SFMBT2: variants seen among roughly 807,000 people sequenced by gnomAD.
SFMBT2 encodes the protein scm-like with four MBT domains protein 2.
In SFMBT2, 38 loss-of-function variants were observed where a neutral mutation model predicts 110.1. The observed-to-expected ratio is 0.35, with a 90% confidence interval of 0.27 to 0.45. The LOEUF (loss-of-function observed/expected upper bound fraction) is 0.45. Among genes scored for constraint, SFMBT2 ranks in the 20% least tolerant of loss-of-function variants. The pLI, the probability that SFMBT2 is intolerant of heterozygous loss-of-function variation, is 1.00. For missense variants in SFMBT2, 1,011 were observed against 1,094.9 expected (o/e 0.92, Z 1.08); for synonymous variants, 425 against 425.4 (o/e 1.00, Z 0.01).
At chr10:7,191,145 T>C (rs564365561) in intron 15 of SFMBT2, among the ~76,000 whole-genome samples, 1 of 152,304 alleles carries the variant, frequency 6.6e-6, no homozygotes, top group South Asian at 2.1e-4. Context: ...TGATCACCAA[T>C]GTGAAAACGA....
At chr10:7,356,393 G>C (rs760237761) in intron 4 of SFMBT2, among the ~76,000 whole-genome samples, 1 of 151,994 alleles carries the variant, frequency 6.6e-6, no homozygotes, top group African/African-American at 2.4e-5. Flanking sequence ...TAGCTACTGC[G>C]TTTTGTTGTT....
At position 7,411,022 on chromosome 10, in the gene SFMBT2, C is replaced by G. The variant is rs1244530282; in HGVS notation, c.-213G>C. 6.7e-6 allele frequency among the ~76,000 whole-genome samples: 1 copy of G among 149,970 alleles called. No homozygotes were observed. The highest frequency in any genetic ancestry group is 2.5e-5 in the African/African-American group (1 of 40,592). On this transcript the variant is annotated 5_prime_UTR_variant, in exon 1 of 21. Transcript: ENST00000397167. Reference sequence around the variant, plus strand: ...TCCGGTCCTCCGGCTCCCACTACAGCTCATTCCAATATGGCATCCTCTCTG... The same window carrying G: ...TCCGGTCCTCCGGCTCCCACTACAGGTCATTCCAATATGGCATCCTCTCTG...
At chr10:7,178,211 C>T (rs1470883153) in intron 16 of SFMBT2, among the ~76,000 whole-genome samples, 5 of 152,164 alleles carry the variant, frequency 3.3e-5, no homozygotes, top group Non-Finnish European at 7.3e-5. Context: ...CTGACCATGG[C>T]TGCTGCCTGC....
At chr10:7,380,464 C>A (rs927494585) in intron 2 of SFMBT2, among the ~76,000 whole-genome samples, 1 of 152,156 alleles carries the variant, frequency 6.6e-6, no homozygotes, top group Non-Finnish European at 1.5e-5. Flanking sequence ...ATGGAGCAAC[C>A]TGTAATCTGT....
intron 16 of SFMBT2, among the ~76,000 whole-genome samples, chr10:7,187,366 A>C (rs913927506): frequency 6.6e-6 from 1 of 152,256 alleles, no homozygotes; most frequent in Admixed American, 6.5e-5. Context: ...TCTTTAAAGC[A>C]GAAAAATATG....
Position 7,167,708 on chromosome 10 carries a change from C to T in SFMBT2, c.2544+3220G>A, listed in dbSNP as rs117647660. Among the ~76,000 whole-genome samples the T allele has an allele frequency of 3.4e-4, 52 of 152,278 alleles. No individual in the cohort carries two copies. The East Asian group carries it at 9.5e-3, about 28-fold the overall frequency. On this transcript the variant is annotated intron_variant, in intron 20 of 20. Coordinates refer to ENST00000397167, the MANE Select transcript of SFMBT2 (RefSeq NM_001387889.1). The stretch of plus-strand genomic sequence containing the variant: ...TGGGACAGAAAAGGACTCAAGTGCC[C>T]ATGTACTTCAGACAGCCCAGTGGGC...
intron 4 of SFMBT2, among the ~76,000 whole-genome samples, chr10:7,308,385 A>C (rs2131895939): frequency 6.6e-6 from 1 of 152,218 alleles, no homozygotes; most frequent in Non-Finnish European, 1.5e-5. Context: ...AACAACAAAA[A>C]TTTAGCACCT....
At chr10:7,186,475 A>ATATATATATATATATAT (rs1345076690) in intron 16 of SFMBT2, among the ~76,000 whole-genome samples, 315 of 136,358 alleles carry the variant, frequency 2.3e-3, no homozygotes, top group African/African-American at 5.2e-3. Context: ...TATATATATA[A>ATATATATATATATATAT]AAATATTTTA....
chr10:7,235,811 T>G (rs544419235), intron 9 of SFMBT2, among the ~76,000 whole-genome samples: 1 of 152,278 alleles, frequency 6.6e-6, no homozygotes, highest in East Asian at 1.9e-4. Flanking sequence ...CCAACTGATG[T>G]GGCAATAAAT....
chr10:7,209,558 C>T (rs1478211077), intron 11 of SFMBT2, among the ~76,000 whole-genome samples: 1 of 152,228 alleles, frequency 6.6e-6, no homozygotes, highest in Non-Finnish European at 1.5e-5. Context: ...AATCAGACAC[C>T]TCTTAATATA....
In SFMBT2 at chr10:7,350,388, C is replaced by T. The variant is rs1274795001; in HGVS notation, c.436+17261G>A. ...TTAGAAAATCGATAGCAAAAGATAT[C>T]TGAACTACCAGGTGTGACCCCACCC... On this transcript the variant is annotated intron_variant, in intron 4 of 20. Coordinates refer to ENST00000397167, the MANE Select transcript of SFMBT2 (RefSeq NM_001387889.1). Among the ~76,000 whole-genome samples the T allele has an allele frequency of 3.9e-5, 6 of 152,164 alleles. No individual in the cohort carries two copies. In the East Asian group the frequency reaches 1.2e-3, roughly 29 times the overall value.
rs1842278756 is a variant in SFMBT2, at chr10:7,292,162, G to C, written c.437-6208C>G. On this transcript the variant is annotated intron_variant, in intron 4 of 20. Transcript: ENST00000397167. Reference sequence around the variant, plus strand: ...GGTAAATAAGAGTGCTTAATCCACTGAAACTCCTCCCAGCTCACAAGAGAA... The same window carrying C: ...GGTAAATAAGAGTGCTTAATCCACTCAAACTCCTCCCAGCTCACAAGAGAA... 1.6e-5 allele frequency: 3 copies of C among 188,044 alleles called. No homozygotes were observed. In the Admixed American group the frequency reaches 2.0e-4, roughly 12 times the overall value. The allele number at this position is 188,044 out of a possible 1,614,324, so 11.6% of individuals were successfully genotyped here.
chr10:7,272,935 G>A (rs1318221344), intron 7 of SFMBT2, among the ~76,000 whole-genome samples: 1 of 152,212 alleles, frequency 6.6e-6, no homozygotes, highest in African/African-American at 2.4e-5. Flanking sequence ...TGGGATTACA[G>A]ATGCATGCCA....
intron 4 of SFMBT2, among the ~76,000 whole-genome samples, chr10:7,303,919 T>C (rs990207817): frequency 6.6e-6 from 1 of 152,180 alleles, no homozygotes; most frequent in Non-Finnish European, 1.5e-5. Flanking sequence ...ATTATTTCAT[T>C]GTTCTTTCCT....
intron 10 of SFMBT2, among the ~76,000 whole-genome samples, chr10:7,223,739 A>G (rs1839821074): frequency 1.3e-5 from 2 of 152,166 alleles, no homozygotes; most frequent in Non-Finnish European, 2.9e-5. Context: ...TTTCCTTTAT[A>G]TCTACAGTTC....
intron 7 of SFMBT2, among the ~76,000 whole-genome samples, chr10:7,253,825 C>CAA (rs3065776): frequency 0.51 from 68,639 of 133,848 alleles, 18,514 homozygotes; most frequent in East Asian, 0.82. Flanking sequence ...AATCAACAAC[C>CAA]AAAAAAAAAA....
chr10:7,201,734 T>C (rs182509482), intron 13 of SFMBT2, among the ~76,000 whole-genome samples: 1 of 152,228 alleles, frequency 6.6e-6, no homozygotes, highest in Non-Finnish European at 1.5e-5. Context: ...TTTTTCAATA[T>C]CTACAAATGT....
rs1346464434 is a variant in SFMBT2 at position 7,220,394 on chromosome 10, C to T, written c.1330+17G>A. ...CTACATTCCCCCCAGCGACTGCTAC[C>T]CCCAGCGAGTACGTACCTTCCAGGT... On this transcript the variant is annotated intron_variant, in intron 11 of 20. Transcript: ENST00000397167. The T allele has an allele frequency of 1.2e-6, 2 of 1,611,330 alleles. No individual in the cohort carries two copies. Among genetic ancestry groups the T allele is most frequent in the Admixed American group, 1.7e-5 (1 of 59,810 alleles).
intron 1 of SFMBT2, among the ~76,000 whole-genome samples, chr10:7,401,624 C>T (rs971651353): frequency 6.6e-6 from 1 of 152,214 alleles, no homozygotes; most frequent in Non-Finnish European, 1.5e-5. Flanking sequence ...ACTCTGCCCT[C>T]TGGTTCAGAC....
Sources: gnomAD v4.1 joint callset for allele counts (sites outside exome capture counted in the v4.1 genomes callset) on GRCh38, gnomAD v4.1.1 for gene constraint, MANE v1.5 for transcripts, NCBI Gene and HGNC (gene_info 2026-07-23, HGNC 2026-07-21) for gene names.